Variants in MEGF10 observed in about 807,000 individuals in gnomAD.
The protein encoded by MEGF10 is multiple epidermal growth factor-like domains protein 10.
In MEGF10, 86 loss-of-function variants were observed where a neutral mutation model predicts 147.5. The observed-to-expected ratio is 0.58, with a 90% CI of 0.49 to 0.70. The LOEUF is 0.70. Among genes scored for constraint, MEGF10 ranks in the 30% least tolerant of loss-of-function variants. The probability of loss-of-function intolerance (pLI) is 0.00; values close to 1 mark genes in which losing one functional copy is unlikely to be tolerated. For synonymous variants in MEGF10, 478 were observed against 525.5 expected (o/e 0.91, Z 1.24); for missense variants, 1,329 against 1,487.3 (o/e 0.89, Z 1.75).
chr5:127,359,877 T>C (rs980504085), intron 4 of MEGF10, among the ~76,000 whole-genome samples: 2 of 152,156 alleles, frequency 1.3e-5, no homozygotes, highest in African/African-American at 4.8e-5. Context: ...ATGCTTTCAT[T>C]TCTCTTGGGT....
In MEGF10 at chr5:127,368,707, G is replaced by T. The variant is rs187282810; in HGVS notation, c.320-1203G>T. ...TCTTATGATCAAGACCTTAGAAGTA[G>T]TCATTTTTGGTTCAGCAATATATGC... On this transcript the variant is annotated intron_variant, in intron 4 of 24. Transcript: ENST00000503335. 6.6e-5 allele frequency among the ~76,000 whole-genome samples: 10 copies of T among 152,162 alleles called. No individual in the cohort carries two copies. In the East Asian group the frequency reaches 1.7e-3, roughly 26 times the overall value.
Position 127,405,562 on chromosome 5 carries a change from A to G in MEGF10, c.917+2880A>G, listed in dbSNP as rs560076289. ...ACTATCATATCATCTACAAATAAAC[A>G]TAAGTTAGTCTTTTCTTTTCAATAT... On this transcript the variant is annotated intron_variant, in intron 8 of 24. Transcript: ENST00000503335. Among the ~76,000 whole-genome samples, 44 of 152,256 alleles carry G rather than the reference A, an allele frequency of 2.9e-4. No homozygotes were observed. The South Asian group carries it at 8.7e-3, about 30-fold the overall frequency.
chr5:127,424,125 G>C (rs75491699), intron 13 of MEGF10, among the ~76,000 whole-genome samples: 1 of 152,106 alleles, frequency 6.6e-6, no homozygotes, highest in East Asian at 1.9e-4. Context: ...TTGTGAAAAG[G>C]CTATTCTTTC....
chr5:127,399,825 T>C (rs1207541488), intron 7 of MEGF10, among the ~76,000 whole-genome samples: 1 of 152,240 alleles, frequency 6.6e-6, no homozygotes, highest in Non-Finnish European at 1.5e-5. Flanking sequence ...GGTTTAAGTC[T>C]TGTTCTTCTC....
upstream of MEGF10, among the ~76,000 whole-genome samples, chr5:127,287,588 A>G (rs371301988): frequency 1.3e-5 from 2 of 152,130 alleles, no homozygotes; most frequent in East Asian, 3.9e-4. Context: ...ATTAAAGAAT[A>G]CCTAAATTAA....
intron 8 of MEGF10, among the ~76,000 whole-genome samples, chr5:127,404,032 TG>T (rs963900068): frequency 1.3e-5 from 2 of 152,176 alleles, no homozygotes; most frequent in African/African-American, 4.8e-5. Flanking sequence ...TTCTCCATAG[TG>T]GTTGTACTAA....
intron 1 of MEGF10, among the ~76,000 whole-genome samples, chr5:127,314,290 T>TATA (rs903071538): frequency 6.6e-6 from 1 of 152,202 alleles, no homozygotes; most frequent in Non-Finnish European, 1.5e-5. Flanking sequence ...AACCGTATAT[T>TATA]GATCATCTAT....
At chr5:127,356,260 C>A (rs750315219) in intron 4 of MEGF10, among the ~76,000 whole-genome samples, 9 of 152,238 alleles carry the variant, frequency 5.9e-5, no homozygotes, top group Non-Finnish European at 1.0e-4. Context: ...GTGCATCCAT[C>A]TGGGCCACAC....
chr5:127,279,782 T>A, the MEGF10 span, among the ~76,000 whole-genome samples: 1 of 152,200 alleles, frequency 6.6e-6, no homozygotes, highest in African/African-American at 2.4e-5. Context: ...ACATAGCATC[T>A]GTAAAATCAA....
At chr5:127,443,326 G>A (rs1765826752) in intron 19 of MEGF10, among the ~76,000 whole-genome samples, 200 bp downstream of exon 19, 1 of 152,238 alleles carries the variant, frequency 6.6e-6, no homozygotes, top group South Asian at 2.1e-4. Context: ...GCTTAGAGAG[G>A]CTGAGTAATT....
At chr5:127,441,621 G>A (rs1765760139) in intron 18 of MEGF10, among the ~76,000 whole-genome samples, 1 of 152,054 alleles carries the variant, frequency 6.6e-6, no homozygotes, top group Non-Finnish European at 1.5e-5. Context: ...AATAAATAAG[G>A]GCTTAGGGCT....
the MEGF10 span, among the ~76,000 whole-genome samples, chr5:127,247,422 GA>G: frequency 3.6e-5 from 3 of 84,200 alleles, no homozygotes; most frequent in Non-Finnish European, 4.6e-5. Flanking sequence ...AGAAGAAGAA[GA>G]AGAAGAAGAA....
At chr5:127,450,652 A>G (rs1766120119) in intron 22 of MEGF10, among the ~76,000 whole-genome samples, 1 of 152,142 alleles carries the variant, frequency 6.6e-6, no homozygotes, top group South Asian at 2.1e-4. Flanking sequence ...CATATCACAG[A>G]TATTACATGG....
In MEGF10 at chr5:127,458,211, G is replaced by T. The variant is rs375609485; in HGVS notation, c.*893G>T. 1 of 152,306 alleles carries T rather than the reference G, an allele frequency of 6.6e-6. No individual in the cohort carries two copies. The highest frequency in any genetic ancestry group is 2.1e-4 in the South Asian group (1 of 4,832). 9.4% of individuals were successfully genotyped at this position (152,306 alleles called of 1,614,324 possible). On this transcript the variant is annotated 3_prime_UTR_variant, in exon 25 of 25. Coordinates refer to ENST00000503335, the MANE Select transcript of MEGF10 (RefSeq NM_001256545.2). The stretch of plus-strand genomic sequence containing the variant: ...GAGTGTGTAATGATTGATAAAGGTT[G>T]TAAATTTTAAATGCAAGATGACGCT...
At chr5:127,342,670 T>C (rs1580737441) in intron 4 of MEGF10, among the ~76,000 whole-genome samples, 1 of 152,156 alleles carries the variant, frequency 6.6e-6, no homozygotes, top group East Asian at 1.9e-4. Context: ...GCAATTCCAC[T>C]GGCACTATCA....
intron 5 of MEGF10, among the ~76,000 whole-genome samples, chr5:127,388,217 C>G (rs1763506323): frequency 1.3e-5 from 2 of 152,084 alleles, no homozygotes; most frequent in African/African-American, 4.8e-5. Flanking sequence ...GGCACCATCT[C>G]AGTTCACTGC....
At chr5:127,412,685 CA>C (rs1186374013) in intron 9 of MEGF10, among the ~76,000 whole-genome samples, 2 of 151,144 alleles carry the variant, frequency 1.3e-5, no homozygotes, top group Non-Finnish European at 2.9e-5. Flanking sequence ...CATTAAAAAA[CA>C]AACAAACAAA....
the MEGF10 span, among the ~76,000 whole-genome samples, chr5:127,276,930 AT>A: frequency 6.6e-6 from 1 of 152,108 alleles, no homozygotes; most frequent in Non-Finnish European, 1.5e-5. Context: ...AGAAGATGAA[AT>A]TTGAGTAAGA....
chr5:127,439,770 A>G (rs2408872), intron 17 of MEGF10, among the ~76,000 whole-genome samples: 73,349 of 152,012 alleles, frequency 0.48, 20,078 homozygotes, highest in Middle Eastern at 0.66. Flanking sequence ...CAGCTGTGTG[A>G]CTTAGGGTAC....
Sources: gnomAD v4.1 joint callset for allele counts (sites outside exome capture counted in the v4.1 genomes callset) on GRCh38, gnomAD v4.1.1 for gene constraint, MANE v1.5 for transcripts, NCBI Gene and HGNC (gene_info 2026-07-23, HGNC 2026-07-21) for gene names.